Variants in SLC24A3 observed in about 807,000 individuals in gnomAD.
SLC24A3 encodes solute carrier family 24 member 3.
SLC24A3 carries 28 observed loss-of-function variants against 75.8 expected under a neutral mutation model. That is an observed-to-expected ratio of 0.37 (90% CI 0.27 to 0.51). The LOEUF (loss-of-function observed/expected upper bound fraction) is 0.51. SLC24A3 is among the 20% of genes least tolerant of loss of function. The pLI, the probability that SLC24A3 is intolerant of heterozygous loss-of-function variation, is 0.94. For missense variants in SLC24A3, 663 were observed against 847.8 expected (o/e 0.78, Z 2.71); for synonymous variants, 372 against 334.1 (o/e 1.11, Z -1.24).
chr20:19,693,999 T>C (rs1023662475), intron 13 of SLC24A3: 1 of 152,382 alleles, frequency 6.6e-6, no homozygotes, highest in African/African-American at 2.4e-5. Flanking sequence ...GAAATGATGA[T>C]CAATCCCTAT....
intron 1 of SLC24A3, among the ~76,000 whole-genome samples, chr20:19,278,124 C>T (rs896259619): frequency 1.3e-5 from 2 of 152,198 alleles, no homozygotes; most frequent in Non-Finnish European, 2.9e-5. Flanking sequence ...CTGGGCATCA[C>T]CTTGGACATC....
intron 1 of SLC24A3, among the ~76,000 whole-genome samples, chr20:19,218,833 G>A (rs560817160): frequency 6.6e-6 from 1 of 152,064 alleles, no homozygotes; most frequent in African/African-American, 2.4e-5. Flanking sequence ...CTGTATGGAG[G>A]TTTCTTTTCC....
chr20:19,462,054 A>G (rs1048027880), intron 2 of SLC24A3, among the ~76,000 whole-genome samples: 2 of 152,124 alleles, frequency 1.3e-5, no homozygotes, highest in African/African-American at 4.8e-5. Context: ...GTGTACAGGT[A>G]TCTTATCCAC....
chr20:19,645,137 AAC>A (rs2032121411), intron 6 of SLC24A3, among the ~76,000 whole-genome samples: 3 of 152,238 alleles, frequency 2.0e-5, no homozygotes, highest in Non-Finnish European at 4.4e-5. Flanking sequence ...TTAATAAGGA[AAC>A]ACATATATTA....
At chr20:19,465,909 C>A (rs952724425) in intron 2 of SLC24A3, among the ~76,000 whole-genome samples, 1 of 152,312 alleles carries the variant, frequency 6.6e-6, no homozygotes, top group African/African-American at 2.4e-5. Context: ...CTGCATGCAG[C>A]CTGAGAAATG....
At chr20:19,381,946 A>G (rs1569766) in intron 2 of SLC24A3, among the ~76,000 whole-genome samples, 31,365 of 152,134 alleles carry the variant, frequency 0.21, 5,747 homozygotes, top group African/African-American at 0.47. Context: ...GTGCTGAAGT[A>G]GCAACTGAAG....
chr20:19,621,320 A>G (rs1348716997), intron 6 of SLC24A3, among the ~76,000 whole-genome samples: 1 of 152,144 alleles, frequency 6.6e-6, no homozygotes, highest in African/African-American at 2.4e-5. Context: ...TAGCTCCTTG[A>G]TGGTTACCCT....
intron 3 of SLC24A3, among the ~76,000 whole-genome samples, chr20:19,577,249 G>A (rs896742370): frequency 1.3e-5 from 2 of 152,002 alleles, no homozygotes; most frequent in African/African-American, 4.8e-5. Context: ...TAGAGATGGG[G>A]TTTCACCATG....
chr20:19,629,136 C>A (rs1391143673), intron 6 of SLC24A3, among the ~76,000 whole-genome samples: 1 of 152,004 alleles, frequency 6.6e-6, no homozygotes, highest in Non-Finnish European at 1.5e-5. Context: ...ATAAAACACA[C>A]ACACACACAC....
intron 2 of SLC24A3, among the ~76,000 whole-genome samples, chr20:19,289,757 A>AT (rs1340650710): frequency 6.6e-6 from 1 of 152,112 alleles, no homozygotes; most frequent in African/African-American, 2.4e-5. Flanking sequence ...CTCCTCAATC[A>AT]TTTCTGGAGC....
chr20:19,536,896 C>A (rs1444539945), intron 3 of SLC24A3, among the ~76,000 whole-genome samples: 13 of 152,190 alleles, frequency 8.5e-5, no homozygotes, highest in African/African-American at 3.1e-4. Flanking sequence ...TAAAGACTTA[C>A]ATGTTACACC....
intron 13 of SLC24A3, among the ~76,000 whole-genome samples, chr20:19,696,123 T>TGGCTTGAG (rs2032803457): frequency 6.9e-6 from 1 of 144,336 alleles, no homozygotes; most frequent in African/African-American, 2.5e-5. Flanking sequence ...GCTCAAGCCA[T>TGGCTTGAG]CCTCCTGCCT....
chr20:19,622,800 CAAG>C (rs899149253), intron 6 of SLC24A3, among the ~76,000 whole-genome samples: 91 of 152,258 alleles, frequency 6.0e-4, no homozygotes, highest in African/African-American at 2.1e-3. Context: ...GCAGGCTATA[CAAG>C]AAGCATGGCA....
intron 6 of SLC24A3, among the ~76,000 whole-genome samples, chr20:19,612,855 C>T (rs949479400): frequency 6.6e-6 from 1 of 152,212 alleles, no homozygotes; most frequent in Non-Finnish European, 1.5e-5. Context: ...AGCCACTCCA[C>T]TTACACCCTC....
In SLC24A3 at chr20:19,720,589, C is replaced by A. The variant is rs138913633; in HGVS notation, c.1786-402C>A. 6.4e-4 allele frequency among the ~76,000 whole-genome samples: 97 copies of A among 152,116 alleles called. 1 individual carries two copies. The highest frequency in any genetic ancestry group is 6.8e-3 in the Middle Eastern group (2 of 294). On this transcript the variant is annotated intron_variant, in intron 16 of 16. Coordinates refer to ENST00000328041, the MANE Select transcript of SLC24A3 (RefSeq NM_020689.4). The stretch of plus-strand genomic sequence containing the variant: ...GACGCAGCCGTAGGAAGAGATGCAG[C>A]CGCCACCGCCTGAGGACTGAGGGGT...
chr20:19,319,871 G>A (rs1379018746), intron 2 of SLC24A3, among the ~76,000 whole-genome samples: 4 of 152,146 alleles, frequency 2.6e-5, no homozygotes, highest in African/African-American at 9.7e-5. Context: ...TTTGACCATG[G>A]GGTCATGGGA....
intron 1 of SLC24A3, among the ~76,000 whole-genome samples, chr20:19,253,090 C>T (rs1013816690): frequency 2.6e-5 from 4 of 152,170 alleles, no homozygotes; most frequent in Admixed American, 6.5e-5. Flanking sequence ...AGGCAACAGA[C>T]GGGATGGTAT....
intron 1 of SLC24A3, among the ~76,000 whole-genome samples, chr20:19,225,484 T>C (rs1198311396): frequency 6.6e-6 from 1 of 152,178 alleles, no homozygotes; most frequent in African/African-American, 2.4e-5. Context: ...TAAATTGATA[T>C]CATACTACAT....
At chr20:19,472,025 C>G (rs1600243445) in intron 2 of SLC24A3, among the ~76,000 whole-genome samples, 1 of 152,150 alleles carries the variant, frequency 6.6e-6, no homozygotes, top group East Asian at 1.9e-4. Flanking sequence ...TCAATTTTTG[C>G]AAATATTTAA....
Sources: allele counts gnomAD v4.1 joint callset (sites outside exome capture counted in the v4.1 genomes callset), GRCh38; gene constraint gnomAD v4.1.1; transcripts MANE v1.5; gene names NCBI Gene and HGNC (gene_info 2026-07-23, HGNC 2026-07-21).